SPOCK3: variants seen among roughly 807,000 people sequenced by gnomAD.
SPOCK3 encodes testican-3.
A neutral mutation model predicts 56.6 loss-of-function variants in SPOCK3; 30 were observed. That is an observed-to-expected ratio of 0.53 (90% CI 0.40 to 0.72). SPOCK3 has a LOEUF of 0.72. Ranked by LOEUF, SPOCK3 falls within the 30% of genes least tolerant of loss-of-function variation. The probability of loss-of-function intolerance (pLI) is 0.00; values close to 1 mark genes in which losing one functional copy is unlikely to be tolerated. For missense variants in SPOCK3, 527 were observed against 530.0 expected (o/e 0.99, Z 0.06); for synonymous variants, 196 against 183.3 (o/e 1.07, Z -0.56).
intron 2 of SPOCK3, among the ~76,000 whole-genome samples, chr4:167,113,330 T>C (rs1580336348): frequency 6.6e-6 from 1 of 152,122 alleles, no homozygotes; most frequent in South Asian, 2.1e-4. Context: ...ATTATACATT[T>C]ATATGAGTAT....
intron 3 of SPOCK3, among the ~76,000 whole-genome samples, chr4:167,028,658 A>G (rs1035542811): frequency 6.6e-6 from 1 of 152,010 alleles, no homozygotes; most frequent in Non-Finnish European, 1.5e-5. Flanking sequence ...TCATATGGCC[A>G]TACTTTGCTT....
chr4:167,218,148 T>G (rs1262043575), intron 2 of SPOCK3, among the ~76,000 whole-genome samples: 1 of 152,154 alleles, frequency 6.6e-6, no homozygotes, highest in Non-Finnish European at 1.5e-5. Flanking sequence ...ATGGCACATT[T>G]CTGAATAGCA....
chr4:166,843,185 G>A (rs572946573), intron 6 of SPOCK3, among the ~76,000 whole-genome samples: 103 of 152,156 alleles, frequency 6.8e-4, no homozygotes, highest in African/African-American at 2.0e-3. Flanking sequence ...ACACCCCCCC[G>A]CAAACAGAGG....
chr4:166,930,608 C>A (rs117004494), intron 4 of SPOCK3, among the ~76,000 whole-genome samples: 2 of 152,060 alleles, frequency 1.3e-5, no homozygotes, highest in African/African-American at 4.8e-5. Flanking sequence ...AGAGAAATGA[C>A]TAAAAATAAA....
chr4:166,846,486 A>G (rs1313690557), intron 6 of SPOCK3, among the ~76,000 whole-genome samples: 4 of 152,098 alleles, frequency 2.6e-5, no homozygotes, highest in African/African-American at 9.7e-5. Context: ...ATATGGTTGA[A>G]AAAATATTTG....
intron 5 of SPOCK3, among the ~76,000 whole-genome samples, chr4:166,907,278 G>T (rs1339810204): frequency 6.6e-6 from 1 of 152,036 alleles, no homozygotes; most frequent in South Asian, 2.1e-4. Flanking sequence ...ATTAGGAAAA[G>T]AACTTAGTAT....
At chr4:166,805,162 T>C (rs1423967593) in intron 6 of SPOCK3, among the ~76,000 whole-genome samples, 5 of 152,098 alleles carry the variant, frequency 3.3e-5, no homozygotes, top group Admixed American at 6.6e-5. Flanking sequence ...ACACCTATTA[T>C]ATATTTTCAT....
chr4:167,131,009 A>G (rs1200419797), intron 2 of SPOCK3, among the ~76,000 whole-genome samples: 2 of 152,138 alleles, frequency 1.3e-5, no homozygotes, highest in Non-Finnish European at 2.9e-5. Context: ...CCAAATGGTG[A>G]TCAAAAATTA....
chr4:167,140,994 G>T (rs776421892), intron 2 of SPOCK3, among the ~76,000 whole-genome samples: 1 of 151,874 alleles, frequency 6.6e-6, no homozygotes, highest in Non-Finnish European at 1.5e-5. Flanking sequence ...CATTTCAGCA[G>T]ATTCTAGCCT....
chr4:167,106,605 C>A (rs1561220901), intron 2 of SPOCK3, among the ~76,000 whole-genome samples: 2 of 146,872 alleles, frequency 1.4e-5, no homozygotes, highest in African/African-American at 2.5e-5. Flanking sequence ...AAAGCAAGAG[C>A]AAACTAAACT....
intron 6 of SPOCK3, among the ~76,000 whole-genome samples, chr4:166,804,796 A>G (rs2126702383): frequency 6.6e-6 from 1 of 152,210 alleles, no homozygotes; most frequent in Non-Finnish European, 1.5e-5. Flanking sequence ...CTTTGTCTCT[A>G]GCCACCCTGA....
intron 8 of SPOCK3, among the ~76,000 whole-genome samples, chr4:166,751,759 G>A (rs1349898614): frequency 1.3e-5 from 2 of 152,084 alleles, no homozygotes; most frequent in Non-Finnish European, 2.9e-5. Flanking sequence ...ACTTTTTAGA[G>A]TAAGTAAAAG....
chr4:166,768,126 T>C (rs1466259561), intron 7 of SPOCK3, among the ~76,000 whole-genome samples: 2 of 151,966 alleles, frequency 1.3e-5, no homozygotes, highest in African/African-American at 4.8e-5. Context: ...CACTGATGGG[T>C]CTTGACTCTT....
chr4:166,996,206 C>T (rs1748362552), intron 4 of SPOCK3, among the ~76,000 whole-genome samples: 1 of 151,816 alleles, frequency 6.6e-6, no homozygotes, highest in Non-Finnish European at 1.5e-5. Flanking sequence ...TCTTTTAATC[C>T]TTCAGTGTAA....
At chr4:166,833,495 G>A (rs759318933) in intron 6 of SPOCK3, among the ~76,000 whole-genome samples, 1 of 152,066 alleles carries the variant, frequency 6.6e-6, no homozygotes, top group Non-Finnish European at 1.5e-5. Flanking sequence ...GGTTCCTATC[G>A]GTTTTTGGTT....
chr4:166,815,888 T>C (rs988687960), intron 6 of SPOCK3, among the ~76,000 whole-genome samples: 5 of 152,108 alleles, frequency 3.3e-5, no homozygotes, highest in Non-Finnish European at 1.5e-5. Flanking sequence ...ACTTAGATTA[T>C]GTACATAGTT....
At chr4:167,205,249 TTATA>T (rs1212505115) in intron 2 of SPOCK3, among the ~76,000 whole-genome samples, 1 of 83,042 alleles carries the variant, frequency 1.2e-5, no homozygotes, top group African/African-American at 5.0e-5. Context: ...ATATTATATA[TTATA>T]TATATTTTAT....
intron 8 of SPOCK3, 122 bp downstream of exon 8, chr4:166,754,386 C>T: frequency 1.4e-6 from 2 of 1,402,740 alleles, no homozygotes; most frequent in South Asian, 1.7e-5. Flanking sequence ...TTATTCAACA[C>T]TTGAATTACA....
chr4:166,805,629 A>T (rs1026461664), intron 6 of SPOCK3, among the ~76,000 whole-genome samples: 1 of 152,106 alleles, frequency 6.6e-6, no homozygotes, highest in African/African-American at 2.4e-5. Context: ...ACCTGCCAAG[A>T]ACTGCTTTTA....
Sources: allele counts gnomAD v4.1 joint callset (sites outside exome capture counted in the v4.1 genomes callset), GRCh38; gene constraint gnomAD v4.1.1; transcripts MANE v1.5; gene names NCBI Gene and HGNC (gene_info 2026-07-23, HGNC 2026-07-21).